The following ALKBH1 variants were observed in gnomAD, a reference collection of about 807,000 sequenced individuals.
The protein encoded by ALKBH1 is nucleic acid dioxygenase ALKBH1.
In ALKBH1, 31 loss-of-function variants were observed where a neutral mutation model predicts 36.6. The ratio of observed to expected loss-of-function variants is 0.85; its 90% CI spans 0.64 to 1.14. The LOEUF is 1.14. ALKBH1 is among the 50% of genes most tolerant of loss of function. The pLI, the probability that ALKBH1 is intolerant of heterozygous loss-of-function variation, is 0.00. For missense variants in ALKBH1, 490 were observed against 497.3 expected, an observed-to-expected ratio of 0.99 and a Z score of 0.14; for synonymous variants, 183 against 186.6, an observed-to-expected ratio of 0.98 and a Z score of 0.16.
intron 3 of ALKBH1, among the ~76,000 whole-genome samples, chr14:77,689,898 G>A (rs1461613140): frequency 6.6e-6 from 1 of 151,994 alleles, no homozygotes; most frequent in Admixed American, 6.6e-5. Flanking sequence ...ACAGAAAATT[G>A]TAGTTCCGGC....
intron 2 of ALKBH1, among the ~76,000 whole-genome samples, chr14:77,701,179 A>T (rs1376593065): frequency 6.6e-6 from 1 of 152,208 alleles, no homozygotes; most frequent in Admixed American, 6.5e-5. Context: ...TATAATTTTC[A>T]GTCATTGGTC....
rs747432161 is a variant in ALKBH1, at chr14:77,674,110, C to A, written c.872G>T (p.Arg291Leu). Residue 291 changes from arginine (R) to leucine (L), a missense_variant, in exon 6 of 6, where the codon CGT (arginine) becomes CTT (leucine). Coordinates refer to ENST00000216489, the MANE Select transcript of ALKBH1 (RefSeq NM_006020.3). ...TTCCCCTTCTGGATTTGGAAGGACA[C>A]GAGGGACTGCGTGGTTCAAGAGGCG... ...FSRLLNHAVPRVLPNPEGEGL... is the reference protein window; with the variant it reads ...FSRLLNHAVPLVLPNPEGEGL... The A allele has an allele frequency of 1.2e-5, 20 of 1,614,050 alleles. No individual in the cohort carries two copies. Among genetic ancestry groups the A allele is most frequent in the Non-Finnish European group, 1.5e-5 (18 of 1,180,022 alleles).
At chr14:77,687,400 A>AG (rs2080273709) in intron 3 of ALKBH1, among the ~76,000 whole-genome samples, 2 of 152,190 alleles carry the variant, frequency 1.3e-5, no homozygotes, top group Non-Finnish European at 2.9e-5. Context: ...TGGCCTTCAA[A>AG]CATGTTTAAT....
chr14:77,677,627 T>A (rs2080212976), intron 4 of ALKBH1, among the ~76,000 whole-genome samples: 4 of 152,192 alleles, frequency 2.6e-5, no homozygotes, highest in Admixed American at 2.6e-4. Context: ...AGTATTTACT[T>A]TGGCCAGAAG....
chr14:77,674,199 C>A lies in ALKBH1; in HGVS notation c.783G>T (p.Arg261Ser). ...SAIFLLGGLQ[R>S]DEAPTAMFMH... is the part of the protein sequence containing the mutation. ...TAAACATGGCCGTGGGGGCCTCATC[C>A]CTTTGAAGACCACCCAGGAGAAAGA... The change falls in exon 6 of 6, where the codon AGG becomes AGT. Residue 261 changes from arginine (R) to serine (S), a missense_variant. Coordinates refer to ENST00000216489, the MANE Select transcript of ALKBH1 (RefSeq NM_006020.3). 1 of 1,612,318 alleles carries A rather than the reference C, an allele frequency of 6.2e-7. No individual in the cohort carries two copies. Among genetic ancestry groups the A allele is most frequent in the Non-Finnish European group, 8.5e-7 (1 of 1,179,116 alleles).
chr14:77,703,758 C>A (rs1595060321), intron 2 of ALKBH1, among the ~76,000 whole-genome samples: 1 of 151,910 alleles, frequency 6.6e-6, no homozygotes, highest in East Asian at 1.9e-4. Context: ...CCACCATGCC[C>A]AGCTAATTTT....
In ALKBH1 at chr14:77,707,830, CACCAGG is replaced by C. The variant is rs1324864512; in HGVS notation, c.169_174del (p.Pro57_Gly58del). 3.7e-6 allele frequency: 6 copies of C among 1,607,712 alleles called. No homozygotes were observed. In the East Asian group the frequency reaches 1.3e-4, roughly 36 times the overall value. ...CACTCCTCTCTCTGTACCTTTTGGGCACCAGGACCCTTGCCACGGGCTGCGTGGGCC... is the reference window on the plus strand; with the variant it reads ...CACTCCTCTCTCTGTACCTTTTGGGCACCCTTGCCACGGGCTGCGTGGGCC... On this transcript the variant is annotated inframe_deletion, in exon 1 of 6. Coordinates refer to ENST00000216489, the MANE Select transcript of ALKBH1 (RefSeq NM_006020.3).
At chr14:77,694,925 AAAG>A (rs774711784) in intron 2 of ALKBH1, 25 bp from the exon 3 acceptor site, 7 of 1,468,136 alleles carry the variant, frequency 4.8e-6, no homozygotes, top group Non-Finnish European at 6.3e-6. Flanking sequence ...GGTGGGAAAA[AAAG>A]AAGAGGGGGA....
At chr14:77,679,800 C>A in intron 4 of ALKBH1, 80 bp downstream of exon 4, 1 of 1,040,400 alleles carries the variant, frequency 9.6e-7, no homozygotes, top group Non-Finnish European at 1.5e-6. Flanking sequence ...ATATCTTAAG[C>A]GTGGTTAGGA....
At chr14:77,685,279 C>T (rs956452616) in intron 3 of ALKBH1, among the ~76,000 whole-genome samples, 1 of 151,952 alleles carries the variant, frequency 6.6e-6, no homozygotes, top group Non-Finnish European at 1.5e-5. Context: ...ACTGTCTCTA[C>T]TAAAAAACCA....
intron 1 of ALKBH1, among the ~76,000 whole-genome samples, chr14:77,706,921 A>G (rs1771324661): frequency 6.6e-6 from 1 of 152,216 alleles, no homozygotes; most frequent in Non-Finnish European, 1.5e-5. Flanking sequence ...CCTCATCTAG[A>G]CATCTGTGGA....
intron 3 of ALKBH1, among the ~76,000 whole-genome samples, chr14:77,680,263 C>A (rs8014720): frequency 0.12 from 18,732 of 152,086 alleles, 1,488 homozygotes; most frequent in African/African-American, 0.22. Flanking sequence ...ACAACAATGA[C>A]AAGAGAAATG....
Position 77,684,324 on chromosome 14 carries a change from G to A in ALKBH1, c.456-4354C>T, listed in dbSNP as rs10143294. On this transcript the variant is annotated intron_variant, in intron 3 of 5. Coordinates refer to ENST00000216489, the MANE Select transcript of ALKBH1 (RefSeq NM_006020.3). ...AAACTAAAAAACAAAACACAATACC[G>A]TCTGTTTCTTTCTAGCTCAATAACA... 5.3e-5 allele frequency among the ~76,000 whole-genome samples: 8 copies of A among 151,984 alleles called. No individual in the cohort carries two copies. In the East Asian group the frequency reaches 7.8e-4, roughly 15 times the overall value.
rs372964712 is a variant in ALKBH1, at chr14:77,707,848, G to A, written c.157C>T (p.Arg53Cys). Residue 53 changes from arginine (R) to cysteine (C), a missense_variant, in exon 1 of 6, where the codon CGT becomes TGT. Arg to Cys is a radical substitution (Grantham distance 180, BLOSUM62 -3). Transcript: ENST00000216489. ...VIDFSAAHAA[R>C]GKGPGAQKVI... Reference sequence around the variant, plus strand: ...TTTTGGGCACCAGGACCCTTGCCACGGGCTGCGTGGGCCGCCGAGAAGTCG... The same window carrying A: ...TTTTGGGCACCAGGACCCTTGCCACAGGCTGCGTGGGCCGCCGAGAAGTCG... The A allele has an allele frequency of 9.3e-6, 15 of 1,611,208 alleles. No homozygotes were observed. The African/African-American group carries it at 1.9e-4, about 20-fold the overall frequency.
chr14:77,697,003 A>G (rs980322288), intron 2 of ALKBH1: 4 of 163,518 alleles, frequency 2.4e-5, no homozygotes, highest in African/African-American at 7.2e-5. Flanking sequence ...TTGCCTGGAC[A>G]ACCTGTAGCT....
rs1270892759 is a variant in ALKBH1 at position 77,672,842 on chromosome 14, T to G, written c.*970A>C. The G allele has an allele frequency of 1.3e-5, 2 of 152,148 alleles. No homozygotes were observed. The highest frequency in any genetic ancestry group is 2.9e-5 in the Non-Finnish European group (2 of 68,016). The allele number at this position is 152,148 out of a possible 1,614,324, so 9.4% of individuals were successfully genotyped here. A position where few individuals can be genotyped will look rare whatever the true frequency, so the allele number is the denominator to read the frequency against. On this transcript the variant is annotated 3_prime_UTR_variant, in exon 6 of 6. Transcript: ENST00000216489. Reference sequence around the variant, plus strand: ...CTACATTTTTCCAAGCTGCCTACCCTCAGACAATAACAGCAGTGACTGGAA... The same window carrying G: ...CTACATTTTTCCAAGCTGCCTACCCGCAGACAATAACAGCAGTGACTGGAA...
rs45610535 is a variant in ALKBH1 at position 77,673,677 on chromosome 14, C to T, written c.*135G>A. On this transcript the variant is annotated 3_prime_UTR_variant, in exon 6 of 6. Transcript: ENST00000216489. ...TACTTCTGCGTGGGTTCCAAGGCAA[C>T]AGTGTGATCAACAATGAGTTCTTCC... The T allele has an allele frequency of 0.048, 44,070 of 919,728 alleles. 1,254 individuals carry two copies. The highest frequency in any genetic ancestry group is 0.054 in the Non-Finnish European group (32,727 of 607,012). The allele number at this position is 919,728 out of a possible 1,614,324, so 57.0% of individuals were successfully genotyped here. A position where few individuals can be genotyped will look rare whatever the true frequency, so the allele number is the denominator to read the frequency against.
intron 3 of ALKBH1, chr14:77,683,405 G>A (rs574226485): frequency 5.0e-5 from 39 of 775,172 alleles, no homozygotes; most frequent in South Asian, 3.7e-4. Context: ...TGCTCAATGC[G>A]CACATTAATT....
intron 2 of ALKBH1, among the ~76,000 whole-genome samples, chr14:77,699,293 G>A (rs909524945): frequency 1.3e-5 from 2 of 152,186 alleles, no homozygotes; most frequent in African/African-American, 2.4e-5. Flanking sequence ...ACACTGAGCC[G>A]AGAGCCTAAA....
Sources: allele counts gnomAD v4.1 joint callset (sites outside exome capture counted in the v4.1 genomes callset), GRCh38; gene constraint gnomAD v4.1.1; transcripts MANE v1.5; gene names NCBI Gene and HGNC (gene_info 2026-07-23, HGNC 2026-07-21).